Variants in CCDC200 observed in about 807,000 individuals in gnomAD.
CCDC200 encodes the protein coiled-coil domain-containing protein 200.
chr17:43,231,125 C>T (rs2057594192), upstream of CCDC200, among the ~76,000 whole-genome samples: 1 of 100,752 alleles, frequency 9.9e-6, no homozygotes, highest in African/African-American at 2.6e-5. Flanking sequence ...TACTAAAAAG[C>T]CTCTGAGGAA....
intron 1 of CCDC200, among the ~76,000 whole-genome samples, chr17:43,226,683 G>A (rs1306322703): frequency 6.6e-6 from 1 of 152,172 alleles, no homozygotes; most frequent in African/African-American, 2.4e-5. Context: ...GTGAGCCACT[G>A]CACCCAGCCT....
intron 1 of CCDC200, chr17:43,224,837 AG>A (rs1567880490): frequency 6.6e-6 from 1 of 152,174 alleles, no homozygotes; most frequent in Non-Finnish European, 1.5e-5. Context: ...TTAGTGCTGG[AG>A]GATAAAGAGT....
intron 1 of CCDC200, among the ~76,000 whole-genome samples, chr17:43,225,687 T>C: frequency 2.7e-5 from 1 of 36,994 alleles, no homozygotes; most frequent in African/African-American, 3.7e-5. Context: ...AAAGTATATA[T>C]ATATATTGCA....
intron 2 of CCDC200, 144 bp from the exon 3 acceptor site, chr17:43,223,758 C>G (rs560456434): frequency 6.6e-6 from 1 of 152,220 alleles, no homozygotes. Context: ...AGGGCACAGA[C>G]TGAGCCCTTC....
chr17:43,223,009 T>C (rs1267136945), intron 3 of CCDC200, among the ~76,000 whole-genome samples: 2 of 151,904 alleles, frequency 1.3e-5, no homozygotes, highest in Non-Finnish European at 2.9e-5. Flanking sequence ...CCTCATGATC[T>C]GCCTGCCTCA....
Position 43,225,680 on chromosome 17 carries a change from G to GTATATATATATATATATATATATATA in CCDC200, c.106-1132_106-1131insTATATATATATATATATATATATATA, listed in dbSNP as rs1176223204. ...TCCGTCTAAAAAAAAAAAAAAAAAA[G>GTATATATATATATATATATATATATA]TATATATATATATTGCATGCTACAT... On this transcript the variant is annotated intron_variant, in intron 1 of 3. Coordinates refer to ENST00000636331, the MANE Select transcript of CCDC200 (RefSeq NM_001363254.2). Among the ~76,000 whole-genome samples the GTATATATATATATATATATATATATA allele has an allele frequency of 2.7e-3, 45 of 16,654 alleles. 10 individuals carry two copies. In the East Asian group the frequency reaches 0.13, roughly 47 times the overall value. 10.9% of individuals were successfully genotyped at this position (16,654 alleles called of 152,430 possible). A position where few individuals can be genotyped will look rare whatever the true frequency, so the allele number is the denominator to read the frequency against.
chr17:43,222,430 G>A (rs1222848217), intron 3 of CCDC200, among the ~76,000 whole-genome samples: 1 of 152,144 alleles, frequency 6.6e-6, no homozygotes, highest in Non-Finnish European at 1.5e-5. Context: ...GCCTCCCAAA[G>A]TGCTGGGATT....
intron 2 of CCDC200, chr17:43,223,905 G>C (rs2057550636): frequency 6.6e-6 from 1 of 152,316 alleles, no homozygotes; most frequent in Non-Finnish European, 1.5e-5. Context: ...GCTTACTCTG[G>C]AAGAAGGGCC....
chr17:43,221,831 A>C (rs1296210402), intron 3 of CCDC200, among the ~76,000 whole-genome samples: 2 of 152,124 alleles, frequency 1.3e-5, no homozygotes, highest in African/African-American at 4.8e-5. Flanking sequence ...CATCCAGGCC[A>C]GGCGTGGTGG....
At chr17:43,222,322 C>T (rs1158562436) in intron 3 of CCDC200, among the ~76,000 whole-genome samples, 1 of 151,854 alleles carries the variant, frequency 6.6e-6, no homozygotes, top group Non-Finnish European at 1.5e-5. Context: ...CGCCCTACCA[C>T]ACCTGGCTAA....
chr17:43,221,800 T>C (rs1303063200), intron 3 of CCDC200, among the ~76,000 whole-genome samples: 1 of 152,172 alleles, frequency 6.6e-6, no homozygotes, highest in Non-Finnish European at 1.5e-5. Flanking sequence ...TGCACAATTA[T>C]ATATTCTTGT....
rs1442951687 is a variant in CCDC200 at position 43,222,965 on chromosome 17, C to T, written c.480+591G>A. Among the ~76,000 whole-genome samples, 12 of 151,944 alleles carry T rather than the reference C, an allele frequency of 7.9e-5. No individual in the cohort carries two copies. In the South Asian group the frequency reaches 2.1e-3, roughly 26 times the overall value. ...TGTATTTTTAGTAGAGATGGGGTTT[C>T]GCCATGTTGGCCAGGATGGTCTTGA... is the stretch of plus-strand genomic sequence containing the variant. On this transcript the variant is annotated intron_variant, in intron 3 of 3. Transcript: ENST00000636331.
chr17:43,224,781 T>C (rs1226585990), intron 1 of CCDC200: 2 of 152,264 alleles, frequency 1.3e-5, no homozygotes, highest in Non-Finnish European at 2.9e-5. Context: ...GCACTCTCTC[T>C]GAGCACCTGC....
At chr17:43,223,171 T>C (rs750034411) in intron 3 of CCDC200, among the ~76,000 whole-genome samples, 13 of 151,200 alleles carry the variant, frequency 8.6e-5, no homozygotes, top group Non-Finnish European at 1.8e-4. Context: ...CTCACCTTGA[T>C]CTCCCAAAGT....
chr17:43,223,948 G>A (rs986014691), intron 2 of CCDC200: 3 of 152,362 alleles, frequency 2.0e-5, no homozygotes, highest in Non-Finnish European at 1.5e-5. Flanking sequence ...GCAGAAGTTG[G>A]AAGGCTCCTT....
intron 1 of CCDC200, among the ~76,000 whole-genome samples, chr17:43,225,852 G>A (rs970408245): frequency 2.7e-5 from 4 of 146,684 alleles, no homozygotes; most frequent in African/African-American, 9.9e-5. Context: ...TCCTGCCTCA[G>A]CCTCCTGAGT....
intron 3 of CCDC200, among the ~76,000 whole-genome samples, chr17:43,222,194 C>T (rs940795365): frequency 4.0e-5 from 6 of 151,592 alleles, no homozygotes; most frequent in Non-Finnish European, 7.4e-5. Flanking sequence ...GTCTGTCTAT[C>T]TCACTCTTTT....
intron 1 of CCDC200, among the ~76,000 whole-genome samples, chr17:43,226,917 C>T (rs932648063): frequency 1.3e-5 from 2 of 151,846 alleles, no homozygotes; most frequent in African/African-American, 4.8e-5. Flanking sequence ...CCAAATTGTC[C>T]CAAACATGCT....
upstream of CCDC200, among the ~76,000 whole-genome samples, chr17:43,231,066 G>C (rs1294840717): frequency 8.2e-5 from 8 of 97,806 alleles, no homozygotes; most frequent in African/African-American, 2.2e-4. Context: ...GATCACCAGA[G>C]GCTGGGAGTT....
Sources: gnomAD v4.1 joint callset for allele counts (sites outside exome capture counted in the v4.1 genomes callset) on GRCh38, gnomAD v4.1.1 for gene constraint, MANE v1.5 for transcripts, NCBI Gene and HGNC (gene_info 2026-07-23, HGNC 2026-07-21) for gene names.